Variants in COL23A1 observed in about 807,000 individuals in gnomAD.
The protein encoded by COL23A1 is collagen alpha-1(XXIII) chain.
A neutral mutation model predicts 99.3 loss-of-function variants in COL23A1; 97 were observed. The ratio of observed to expected loss-of-function variants is 0.98; its 90% CI spans 0.83 to 1.16. The LOEUF is 1.16. COL23A1 is among the 50% of genes most tolerant of loss of function. COL23A1 has a pLI of 0.00. For synonymous variants in COL23A1, 320 were observed against 308.2 expected, an observed-to-expected ratio of 1.04 and a Z score of -0.40; for missense variants, 762 against 757.4, an observed-to-expected ratio of 1.01 and a Z score of -0.07.
At chr5:178,337,125 T>C (rs1760374841) in intron 2 of COL23A1, among the ~76,000 whole-genome samples, 1 of 152,226 alleles carries the variant, frequency 6.6e-6, no homozygotes, top group African/African-American at 2.4e-5. Context: ...ATGTGCAGCA[T>C]GGAAGTTGCA....
intron 28 of COL23A1, 57 bp downstream of exon 28, chr5:178,239,084 T>TGC: frequency 6.3e-7 from 1 of 1,593,686 alleles, no homozygotes; most frequent in Non-Finnish European, 8.6e-7. Context: ...GCCCTCCCAT[T>TGC]CCCCCACCCT....
chr5:178,333,046 C>T (rs895774896), intron 2 of COL23A1, among the ~76,000 whole-genome samples: 4 of 152,140 alleles, frequency 2.6e-5, no homozygotes, highest in African/African-American at 7.2e-5. Flanking sequence ...TAACCTCCAC[C>T]CTCCGAGTTC....
chr5:178,572,022 T>C (rs756152590), intron 1 of COL23A1, among the ~76,000 whole-genome samples: 4 of 141,078 alleles, frequency 2.8e-5, no homozygotes, highest in Non-Finnish European at 6.0e-5. Context: ...GAGCCGAGAT[T>C]GCGCCACTGC....
At chr5:178,392,211 T>G (rs368504547) in intron 2 of COL23A1, among the ~76,000 whole-genome samples, 21 of 152,110 alleles carry the variant, frequency 1.4e-4, no homozygotes, top group African/African-American at 4.8e-4. Flanking sequence ...ACCACTGACT[T>G]CTGCACTTTA....
intron 5 of COL23A1, among the ~76,000 whole-genome samples, chr5:178,277,170 A>G (rs978256210): frequency 2.0e-5 from 3 of 151,094 alleles, no homozygotes; most frequent in African/African-American, 7.3e-5. Flanking sequence ...GTTTAAGACC[A>G]GCCTGGGCAA....
intron 3 of COL23A1, among the ~76,000 whole-genome samples, chr5:178,303,291 A>C (rs972961455): frequency 6.6e-6 from 1 of 152,138 alleles, no homozygotes; most frequent in African/African-American, 2.4e-5. Context: ...TGTGCCATGC[A>C]TGGTTTTTAA....
At chr5:178,347,443 G>A (rs894999722) in intron 2 of COL23A1, among the ~76,000 whole-genome samples, 22 of 149,358 alleles carry the variant, frequency 1.5e-4, no homozygotes, top group Non-Finnish European at 2.4e-4. Flanking sequence ...GGGGTATGGG[G>A]AGGGATTGCC....
chr5:178,348,061 C>A (rs1320120172), intron 2 of COL23A1, among the ~76,000 whole-genome samples: 5 of 152,048 alleles, frequency 3.3e-5, no homozygotes, highest in Admixed American at 3.3e-4. Flanking sequence ...CCCAGCAGTG[C>A]CCCTCGGGGT....
chr5:178,437,366 C>A (rs576344246), intron 2 of COL23A1, among the ~76,000 whole-genome samples: 47 of 152,272 alleles, frequency 3.1e-4, no homozygotes, highest in African/African-American at 1.1e-3. Context: ...TGGGATGAAA[C>A]AGGGTGCCAG....
At chr5:178,401,364 T>C (rs903686941) in intron 2 of COL23A1, among the ~76,000 whole-genome samples, 2 of 152,242 alleles carry the variant, frequency 1.3e-5, no homozygotes, top group Admixed American at 1.3e-4. Flanking sequence ...ATCCCTGTAG[T>C]TCTGCCTCAT....
At position 178,366,555 on chromosome 5, in the gene COL23A1, T is replaced by G. The variant is rs1762490643; in HGVS notation, c.362-59636A>C. On this transcript the variant is annotated intron_variant, in intron 2 of 28. Coordinates refer to ENST00000390654, the MANE Select transcript of COL23A1 (RefSeq NM_173465.4). The surrounding 1 kb of genome is among the most constrained non-coding windows in gnomAD (Gnocchi z 4.4). ...CTTCCACCCTGCCCCAACAGAGTGC[T>G]TTCAGATCACCCGCCCTGCGAAAAT... Among the ~76,000 whole-genome samples the G allele has an allele frequency of 6.6e-6, 1 of 152,176 alleles. No individual in the cohort carries two copies. The highest frequency in any genetic ancestry group is 1.5e-5 in the Non-Finnish European group (1 of 68,016).
At chr5:178,514,297 C>CGCTT (rs760547869) in intron 2 of COL23A1, among the ~76,000 whole-genome samples, 8 of 152,186 alleles carry the variant, frequency 5.3e-5, no homozygotes, top group Non-Finnish European at 1.2e-4. Flanking sequence ...TAGCACAGAC[C>CGCTT]GCTTATCCCT....
rs535393140 is a variant in COL23A1, at chr5:178,292,620, G to A, written c.407-2251C>T. ...GTGTGGGGTAGCAGGGGTAGAACCT[G>A]GAGGCTACTGCATGCTGCAGGGGAG... is the stretch of plus-strand genomic sequence containing the variant. On this transcript the variant is annotated intron_variant, in intron 3 of 28. Transcript: ENST00000390654. Among the ~76,000 whole-genome samples the A allele has an allele frequency of 8.5e-5, 13 of 152,260 alleles. No homozygotes were observed. The South Asian group carries it at 1.0e-3, about 12-fold the overall frequency.
At chr5:178,289,642 C>T (rs1757346879) in intron 4 of COL23A1, among the ~76,000 whole-genome samples, 1 of 152,222 alleles carries the variant, frequency 6.6e-6, no homozygotes, top group South Asian at 2.1e-4. Context: ...CCCGACTCTA[C>T]AGCTCTTTCT....
chr5:178,363,505 T>G (rs563458280), intron 2 of COL23A1, among the ~76,000 whole-genome samples: 25 of 152,350 alleles, frequency 1.6e-4, no homozygotes, highest in Non-Finnish European at 2.6e-4. Context: ...TGTGTGACTA[T>G]TAACCAACCA....
intron 2 of COL23A1, 37 bp downstream of exon 2, chr5:178,560,645 A>G (rs767865020): frequency 5.0e-6 from 8 of 1,591,606 alleles, no homozygotes; most frequent in Non-Finnish European, 6.0e-6. Context: ...ACGGCGGCCG[A>G]ACGCAGGAGC....
chr5:178,243,989 CT>C (rs372565018), intron 25 of COL23A1, among the ~76,000 whole-genome samples: 1 of 151,902 alleles, frequency 6.6e-6, no homozygotes, highest in Non-Finnish European at 1.5e-5. Context: ...AGGTAATGTT[CT>C]TTTTTTTGAG....
chr5:178,322,077 C>T lies in COL23A1; in HGVS notation c.362-15158G>A, dbSNP rs572128557. Among the ~76,000 whole-genome samples, 214 of 152,102 alleles carry T rather than the reference C, an allele frequency of 1.4e-3. 1 individual carries two copies. Among genetic ancestry groups the T allele is most frequent in the Admixed American group, 3.3e-3 (50 of 15,290 alleles). On this transcript the variant is annotated intron_variant, in intron 2 of 28. Transcript: ENST00000390654. The stretch of plus-strand genomic sequence containing the variant: ...GTGTGATCTCAGCTCACTGCAACCT[C>T]CGCCTCCTGAGTTCAAGCGATTCTC...
chr5:178,497,392 G>A (rs532565973), intron 2 of COL23A1, among the ~76,000 whole-genome samples: 2 of 152,284 alleles, frequency 1.3e-5, no homozygotes, highest in East Asian at 1.9e-4. Context: ...GCTGCTGGCC[G>A]TTGGAGAAGC....
Sources: gnomAD v4.1 joint callset for allele counts (sites outside exome capture counted in the v4.1 genomes callset) on GRCh38, gnomAD v4.1.1 for gene constraint, Gnocchi (gnomAD v3.1) non-coding constraint, MANE v1.5 for transcripts, NCBI Gene and HGNC (gene_info 2026-07-23, HGNC 2026-07-21) for gene names.